The following KHDRBS2 variants were observed in gnomAD, a reference collection of about 807,000 sequenced individuals.
KHDRBS2 encodes KH domain-containing, RNA-binding, signal transduction-associated protein 2.
A neutral mutation model predicts 44.3 loss-of-function variants in KHDRBS2; 26 were observed. The observed-to-expected ratio is 0.59, with a 90% CI of 0.43 to 0.81. The LOEUF (loss-of-function observed/expected upper bound fraction) is 0.81, where lower values mean the gene tolerates loss of function less well. Among genes scored for constraint, KHDRBS2 ranks in the 40% least tolerant of loss-of-function variants. The probability of loss-of-function intolerance (pLI) is 0.00; values close to 1 mark genes in which losing one functional copy is unlikely to be tolerated. For synonymous variants in KHDRBS2, 194 were observed against 151.1 expected (o/e 1.28, Z -2.08); for missense variants, 476 against 433.1 (o/e 1.10, Z -0.88).
intron 1 of KHDRBS2, among the ~76,000 whole-genome samples, chr6:62,212,012 T>C (rs1829136565): frequency 6.6e-6 from 1 of 152,162 alleles, no homozygotes; most frequent in African/African-American, 2.4e-5. Flanking sequence ...TGCAGGTACA[T>C]GGATGGAGCT....
intron 6 of KHDRBS2, among the ~76,000 whole-genome samples, chr6:61,834,549 A>G (rs1792348483): frequency 6.6e-6 from 1 of 151,988 alleles, no homozygotes; most frequent in Non-Finnish European, 1.5e-5. Context: ...AAGGGCATCT[A>G]TTGTGTTTGC....
chr6:61,574,757 A>G, the KHDRBS2 span, among the ~76,000 whole-genome samples: 3 of 152,094 alleles, frequency 2.0e-5, no homozygotes, highest in African/African-American at 7.2e-5. Flanking sequence ...AAAAATACAA[A>G]AATTAGCTGG....
chr6:61,999,218 A>G (rs1477460389), intron 3 of KHDRBS2, among the ~76,000 whole-genome samples: 1 of 152,108 alleles, frequency 6.6e-6, no homozygotes, highest in Non-Finnish European at 1.5e-5. Context: ...TCCAACCTCC[A>G]ACCCAAATAA....
chr6:62,274,930 T>C (rs560172629), intron 1 of KHDRBS2, among the ~76,000 whole-genome samples: 44 of 151,908 alleles, frequency 2.9e-4, no homozygotes, highest in African/African-American at 9.9e-4. Flanking sequence ...TATATACATA[T>C]ATCGCTCATC....
chr6:62,174,826 T>C (rs192354209), intron 2 of KHDRBS2, among the ~76,000 whole-genome samples: 3 of 151,814 alleles, frequency 2.0e-5, no homozygotes, highest in Admixed American at 6.6e-5. Flanking sequence ...AAATCACTTT[T>C]TTATTATAAA....
intron 6 of KHDRBS2, among the ~76,000 whole-genome samples, chr6:61,801,664 T>C (rs768106272): frequency 1.3e-5 from 2 of 152,164 alleles, no homozygotes; most frequent in African/African-American, 2.4e-5. Flanking sequence ...ATGATGATGA[T>C]AGCAAACAAA....
At chr6:61,560,681 T>C in the KHDRBS2 span, among the ~76,000 whole-genome samples, 1 of 152,208 alleles carries the variant, frequency 6.6e-6, no homozygotes, top group Non-Finnish European at 1.5e-5. Context: ...TCAATCTCTT[T>C]GCTACATTTC....
the KHDRBS2 span, among the ~76,000 whole-genome samples, chr6:61,564,047 T>C: frequency 6.6e-6 from 1 of 152,126 alleles, no homozygotes; most frequent in Non-Finnish European, 1.5e-5. Flanking sequence ...TGTGTATCTC[T>C]GTGATTACTG....
At chr6:61,573,808 T>A in the KHDRBS2 span, among the ~76,000 whole-genome samples, 128,298 of 150,402 alleles carry the variant, frequency 0.85, 55,024 homozygotes, top group African/African-American at 0.93. Flanking sequence ...AAAAAAAAAG[T>A]AAAAGTAAAA....
chr6:62,045,923 T>C (rs1430347871), intron 3 of KHDRBS2, among the ~76,000 whole-genome samples: 1 of 136,604 alleles, frequency 7.3e-6, no homozygotes, highest in Non-Finnish European at 1.6e-5. Context: ...GTTAAGACCT[T>C]ATCATTCAAA....
intron 6 of KHDRBS2, among the ~76,000 whole-genome samples, chr6:61,875,310 A>T (rs1043590927): frequency 1.3e-5 from 2 of 152,028 alleles, no homozygotes; most frequent in African/African-American, 4.8e-5. Flanking sequence ...GAACAGGCCG[A>T]AGCCAGGCTT....
chr6:62,285,906 C>T lies in KHDRBS2; in HGVS notation c.43G>A (p.Asp15Asn). 2 of 1,613,660 alleles carry T rather than the reference C, an allele frequency of 1.2e-6. No homozygotes were observed. The highest frequency in any genetic ancestry group is 8.5e-7 in the Non-Finnish European group (1 of 1,179,842). The stretch of plus-strand genomic sequence containing the variant: ...TGCACAAAAGATGGATCCAGGCTAT[C>T]TTTCTCTGCCATCAGCTCAGGCAAA... ...KYLPELMAEKDSLDPSFVHAS... is the reference protein window; with the variant it reads ...KYLPELMAEKNSLDPSFVHAS... Residue 15 changes from aspartate to asparagine, a missense_variant, in exon 1 of 9, where the codon GAT becomes AAT. Coordinates refer to ENST00000281156, the MANE Select transcript of KHDRBS2 (RefSeq NM_152688.4).
Position 62,240,672 on chromosome 6 carries a change from GTATATATATATATATA to G in KHDRBS2, c.91+45170_91+45185del, listed in dbSNP as rs4036655. Reference sequence around the variant, plus strand: ...TGTATGTGTGTATGTATGTGTGTGTGTATATATATATATATATATATATATATATATATATATATAT... The same window carrying G: ...TGTATGTGTGTATGTATGTGTGTGTGTATATATATATATATATATATATAT... On this transcript the variant is annotated intron_variant, in intron 1 of 8. Coordinates refer to ENST00000281156, the MANE Select transcript of KHDRBS2 (RefSeq NM_152688.4). Among the ~76,000 whole-genome samples, 564 of 64,174 alleles carry G rather than the reference GTATATATATATATATA, an allele frequency of 8.8e-3. 4 individuals carry two copies. The highest frequency in any genetic ancestry group is 0.023 in the African/African-American group (427 of 18,910). The allele number at this position is 64,174 out of a possible 152,430, so 42.1% of individuals were successfully genotyped here. A position where few individuals can be genotyped will look rare whatever the true frequency, so the allele number is the denominator to read the frequency against.
chr6:62,103,512 C>A (rs1284220258), intron 2 of KHDRBS2, among the ~76,000 whole-genome samples: 1 of 152,124 alleles, frequency 6.6e-6, no homozygotes, highest in Non-Finnish European at 1.5e-5. Context: ...TGGCAACAGG[C>A]ACTTCTTAGC....
At chr6:61,585,066 T>C in the KHDRBS2 span, among the ~76,000 whole-genome samples, 2 of 152,000 alleles carry the variant, frequency 1.3e-5, no homozygotes, top group Non-Finnish European at 2.9e-5. Context: ...GTAGAAATTA[T>C]GTGATTTTGT....
At chr6:61,826,946 T>A (rs553855487) in intron 6 of KHDRBS2, among the ~76,000 whole-genome samples, 1 of 152,322 alleles carries the variant, frequency 6.6e-6, no homozygotes, top group South Asian at 2.1e-4. Flanking sequence ...TGTGTTCTTT[T>A]CCTCAATTAT....
At chr6:62,182,411 A>G (rs1023169655) in intron 1 of KHDRBS2, among the ~76,000 whole-genome samples, 14 of 152,028 alleles carry the variant, frequency 9.2e-5, no homozygotes, top group Non-Finnish European at 1.8e-4. Context: ...TATAGTTAAC[A>G]TTACTGTATT....
chr6:61,846,587 T>C (rs1794445893), intron 6 of KHDRBS2, among the ~76,000 whole-genome samples: 1 of 152,178 alleles, frequency 6.6e-6, no homozygotes, highest in South Asian at 2.1e-4. Context: ...TTAAAACTAC[T>C]ACTAATAAAT....
intron 4 of KHDRBS2, among the ~76,000 whole-genome samples, chr6:61,909,639 A>G (rs1422507430): frequency 1.4e-5 from 2 of 144,360 alleles, no homozygotes; most frequent in African/African-American, 5.3e-5. Flanking sequence ...CAGTATACAC[A>G]AAAGCTCAGA....
Sources: allele counts gnomAD v4.1 joint callset (sites outside exome capture counted in the v4.1 genomes callset), GRCh38; gene constraint gnomAD v4.1.1; transcripts MANE v1.5; gene names NCBI Gene and HGNC (gene_info 2026-07-23, HGNC 2026-07-21).